The following MIPOL1 variants were observed in gnomAD, a reference collection of about 807,000 sequenced individuals.
MIPOL1 encodes the protein mirror-image polydactyly gene 1 protein.
MIPOL1 carries 57 observed loss-of-function variants against 60.9 expected under a neutral mutation model. The observed-to-expected ratio is 0.94, with a 90% CI of 0.76 to 1.17. The LOEUF (loss-of-function observed/expected upper bound fraction) is 1.17, where lower values mean the gene tolerates loss of function less well. MIPOL1 is among the 50% of genes most tolerant of loss of function. The pLI is 0.00. For synonymous variants in MIPOL1, 179 were observed against 168.8 expected (o/e 1.06, Z -0.47); for missense variants, 551 against 511.6 (o/e 1.08, Z -0.74).
chr14:37,298,532 C>A (rs1256601513), intron 7 of MIPOL1, among the ~76,000 whole-genome samples: 7 of 151,894 alleles, frequency 4.6e-5, no homozygotes, highest in Non-Finnish European at 7.4e-5. Context: ...GAATGGGAGA[C>A]AATTTTTGCA....
chr14:37,372,041 G>A (rs1233803199), intron 10 of MIPOL1, among the ~76,000 whole-genome samples: 2 of 151,924 alleles, frequency 1.3e-5, no homozygotes, highest in Non-Finnish European at 2.9e-5. Flanking sequence ...ACGATTCACT[G>A]TCTCTAAAGC....
At chr14:37,298,056 C>G (rs960709206) in intron 7 of MIPOL1, among the ~76,000 whole-genome samples, 8 of 152,106 alleles carry the variant, frequency 5.3e-5, no homozygotes, top group African/African-American at 1.9e-4. Context: ...AACTATACTA[C>G]AAGGCTACAG....
intron 9 of MIPOL1, among the ~76,000 whole-genome samples, chr14:37,346,284 G>A (rs1157270122): frequency 3.9e-5 from 6 of 152,134 alleles, no homozygotes; most frequent in Non-Finnish European, 5.9e-5. Flanking sequence ...AGCTGAGATC[G>A]TGCCAATGCA....
At chr14:37,349,353 C>A (rs975888223) in intron 9 of MIPOL1, among the ~76,000 whole-genome samples, 18 of 152,110 alleles carry the variant, frequency 1.2e-4, no homozygotes, top group African/African-American at 4.3e-4. Flanking sequence ...TATGTGGCTT[C>A]TCTACTCAAA....
chr14:37,366,375 T>G (rs2092470995), intron 9 of MIPOL1, among the ~76,000 whole-genome samples: 1 of 152,086 alleles, frequency 6.6e-6, no homozygotes, highest in South Asian at 2.1e-4. Flanking sequence ...TCAAGAAGTT[T>G]TTCAGTTTTC....
chr14:37,407,851 T>TC (rs1374799132), intron 10 of MIPOL1, among the ~76,000 whole-genome samples: 2 of 117,764 alleles, frequency 1.7e-5, no homozygotes, highest in African/African-American at 6.6e-5. Context: ...TCTTCTTTTT[T>TC]TTTTTTTTTT....
At chr14:37,228,957 T>C (rs1970203090) in intron 1 of MIPOL1, among the ~76,000 whole-genome samples, 1 of 152,228 alleles carries the variant, frequency 6.6e-6, no homozygotes, top group Admixed American at 6.5e-5. Flanking sequence ...TTTGGTAAAA[T>C]AAGTATCCTG....
intron 10 of MIPOL1, among the ~76,000 whole-genome samples, chr14:37,408,432 C>A (rs1321753432): frequency 6.6e-6 from 1 of 151,988 alleles, no homozygotes; most frequent in Non-Finnish European, 1.5e-5. Context: ...TAGTTCGAGA[C>A]CAGCCTGGCC....
intron 9 of MIPOL1, among the ~76,000 whole-genome samples, chr14:37,337,455 G>A (rs1445051683): frequency 2.5e-4 from 32 of 126,486 alleles, no homozygotes; most frequent in African/African-American, 8.5e-4. Context: ...TGCAACCTCC[G>A]CCTCCCAGGT....
intron 1 of MIPOL1, among the ~76,000 whole-genome samples, chr14:37,236,671 C>G (rs534214495): frequency 2.6e-5 from 4 of 152,020 alleles, no homozygotes; most frequent in Non-Finnish European, 4.4e-5. Flanking sequence ...CTCCTGACCT[C>G]AGGTGATCTA....
intron 11 of MIPOL1, among the ~76,000 whole-genome samples, chr14:37,486,561 G>A (rs545126037): frequency 2.6e-5 from 4 of 152,140 alleles, no homozygotes; most frequent in East Asian, 1.9e-4. Flanking sequence ...CTTGTGAATC[G>A]TATTCCTAGA....
At chr14:37,223,945 A>G (rs535783490) in intron 1 of MIPOL1, among the ~76,000 whole-genome samples, 240 of 152,302 alleles carry the variant, frequency 1.6e-3, no homozygotes, top group African/African-American at 5.4e-3. Context: ...TCCTTCCTTT[A>G]TGAAAAATAC....
chr14:37,225,705 T>G (rs1652505850), intron 1 of MIPOL1, among the ~76,000 whole-genome samples: 1 of 151,588 alleles, frequency 6.6e-6, no homozygotes, highest in Non-Finnish European at 1.5e-5. Flanking sequence ...CCCATTGTCT[T>G]GGGGATTAAT....
chr14:37,268,137 T>C (rs750739847), intron 4 of MIPOL1, among the ~76,000 whole-genome samples: 1 of 152,234 alleles, frequency 6.6e-6, no homozygotes, highest in Non-Finnish European at 1.5e-5. Flanking sequence ...TGCAGCATAC[T>C]ATTTTTAACA....
Position 37,492,319 on chromosome 14 carries a change from T to C in MIPOL1, c.1032-7589T>C, listed in dbSNP as rs148970957. On this transcript the variant is annotated intron_variant, in intron 11 of 12. Transcript: ENST00000684589. ...CAGTAAAACAAGCCAAACCTGCCCA[T>C]TTTTTAAAAAAGAATGATTTAAGAA... is the stretch of plus-strand genomic sequence containing the variant. Among the ~76,000 whole-genome samples the C allele has an allele frequency of 4.6e-5, 7 of 152,316 alleles. No homozygotes were observed. In the East Asian group the frequency reaches 1.3e-3, roughly 29 times the overall value.
intron 1 of MIPOL1, among the ~76,000 whole-genome samples, chr14:37,213,946 A>G (rs1178837385): frequency 6.6e-6 from 1 of 152,130 alleles, no homozygotes; most frequent in Non-Finnish European, 1.5e-5. Flanking sequence ...GGCAAAAAAA[A>G]CATTATACCC....
At position 37,308,563 on chromosome 14, in the gene MIPOL1, C is replaced by A. The variant is rs538452840; in HGVS notation, c.828+44C>A. On this transcript the variant is annotated intron_variant, in intron 9 of 12. Coordinates refer to ENST00000684589, the MANE Select transcript of MIPOL1 (RefSeq NM_001388067.1). ...GTAAAAGCATATACTTACCATTTTC[C>A]TCTCTATTTTTTTAACCATTAAAAA... 2 of 1,369,872 alleles carry A rather than the reference C, an allele frequency of 1.5e-6. 1 individual carries two copies. The highest frequency in any genetic ancestry group is 5.6e-5 in the Admixed American group (2 of 35,968). The allele number at this position is 1,369,872 out of a possible 1,614,324, so 84.9% of individuals were successfully genotyped here.
At chr14:37,397,226 G>A (rs142048496) in intron 10 of MIPOL1, among the ~76,000 whole-genome samples, 2,407 of 152,206 alleles carry the variant, frequency 0.016, 54 homozygotes, top group African/African-American at 0.055. Flanking sequence ...GAGCCAAGCT[G>A]CAGTGATTGT....
At chr14:37,242,177 A>T (rs1484608956) in intron 1 of MIPOL1, among the ~76,000 whole-genome samples, 1 of 151,836 alleles carries the variant, frequency 6.6e-6, no homozygotes, top group Non-Finnish European at 1.5e-5. Flanking sequence ...TAATACATGC[A>T]CCCAATTAAA....
Sources: allele counts gnomAD v4.1 joint callset (sites outside exome capture counted in the v4.1 genomes callset), GRCh38; gene constraint gnomAD v4.1.1; transcripts MANE v1.5; gene names NCBI Gene and HGNC (gene_info 2026-07-23, HGNC 2026-07-21).